UBR3: variants seen among roughly 807,000 people sequenced by gnomAD.
The protein encoded by UBR3 is E3 ubiquitin-protein ligase UBR3.
A neutral mutation model predicts 243.2 loss-of-function variants in UBR3; 85 were observed. That is an observed-to-expected ratio of 0.35 (90% confidence interval 0.29 to 0.42). The LOEUF (loss-of-function observed/expected upper bound fraction) is 0.42. UBR3 is among the 10% of genes least tolerant of loss of function. The probability of loss-of-function intolerance (pLI) is 1.00; values close to 1 mark genes in which losing one functional copy is unlikely to be tolerated. For synonymous variants in UBR3, 748 were observed against 799.8 expected (o/e 0.94, Z 1.09); for missense variants, 1,686 against 2,300.8 (o/e 0.73, Z 5.47).
intron 11 of UBR3, among the ~76,000 whole-genome samples, chr2:169,916,145 G>C (rs868734626): frequency 6.6e-6 from 1 of 152,012 alleles, no homozygotes; most frequent in Non-Finnish European, 1.5e-5. Flanking sequence ...GAACAGAGGA[G>C]TATATGTACA....
chr2:169,985,224 C>CTTTTTTTTTTTTTT (rs71006060), intron 24 of UBR3, among the ~76,000 whole-genome samples: 1 of 113,120 alleles, frequency 8.8e-6, no homozygotes, highest in Admixed American at 9.8e-5. Flanking sequence ...CAACTCTTTT[C>CTTTTTTTTTTTTTT]TTTTTTTTTT....
chr2:170,063,648 T>G (rs1289709370), intron 35 of UBR3, among the ~76,000 whole-genome samples: 1 of 152,166 alleles, frequency 6.6e-6, no homozygotes, highest in Non-Finnish European at 1.5e-5. Context: ...GTTTGGGACA[T>G]AAATCCTGTC....
intron 1 of UBR3, among the ~76,000 whole-genome samples, chr2:169,860,439 C>T (rs1041408218): frequency 2.0e-5 from 3 of 152,170 alleles, no homozygotes; most frequent in Non-Finnish European, 2.9e-5. Context: ...CAGTGCCCTT[C>T]AGAAGATTCT....
chr2:169,924,573 T>G (rs1476692685), intron 13 of UBR3, among the ~76,000 whole-genome samples: 1 of 152,230 alleles, frequency 6.6e-6, no homozygotes, highest in African/African-American at 2.4e-5. Flanking sequence ...AAGAATTAGC[T>G]TATATAAGCA....
chr2:170,039,647 G>A lies in UBR3; in HGVS notation c.4557-1235G>A, dbSNP rs181140659. Among the ~76,000 whole-genome samples the A allele has an allele frequency of 4.6e-5, 7 of 152,236 alleles. No homozygotes were observed. The East Asian group carries it at 1.3e-3, about 29-fold the overall frequency. ...TAGTAAATATTTGCTGAATGATCGA[G>A]CCTAATAAAAGAGTTGAAGAATTTT... On this transcript the variant is annotated intron_variant, in intron 31 of 38. Coordinates refer to ENST00000272793, the MANE Select transcript of UBR3 (RefSeq NM_172070.4).
chr2:169,992,018 C>T (rs781352583), intron 25 of UBR3, among the ~76,000 whole-genome samples: 3 of 152,108 alleles, frequency 2.0e-5, no homozygotes, highest in Non-Finnish European at 4.4e-5. Context: ...GGGAAATTTA[C>T]AGCTGTAAAT....
In UBR3 at chr2:170,082,328, T is replaced by A. The variant is rs2091920861; in HGVS notation, c.*485T>A. ...ATTAGAAAAAAATGTAAAACATGATTTATGTGAAATACTGTATAGTAAAAG... is the reference window on the plus strand; with the variant it reads ...ATTAGAAAAAAATGTAAAACATGATATATGTGAAATACTGTATAGTAAAAG... On this transcript the variant is annotated 3_prime_UTR_variant, in exon 39 of 39. Coordinates refer to ENST00000272793, the MANE Select transcript of UBR3 (RefSeq NM_172070.4). 1 of 152,736 alleles carries A rather than the reference T, an allele frequency of 6.5e-6. No individual in the cohort carries two copies. The allele number at this position is 152,736 out of a possible 1,614,324, so 9.5% of individuals were successfully genotyped here.
chr2:170,016,014 G>T (rs1331413542), intron 30 of UBR3, among the ~76,000 whole-genome samples: 1 of 151,770 alleles, frequency 6.6e-6, no homozygotes, highest in Non-Finnish European at 1.5e-5. Context: ...CTGATTATTT[G>T]CCCCAGATCA....
chr2:169,947,415 T>G lies in UBR3; in HGVS notation c.2911-127T>G, dbSNP rs116816631. On this transcript the variant is annotated intron_variant, in intron 21 of 38. Coordinates refer to ENST00000272793, the MANE Select transcript of UBR3 (RefSeq NM_172070.4). ...TTAAATTTATTCACTTTATAATTTG[T>G]GGATGAGACAATAAGGGATTCAGGA... 487 of 671,158 alleles carry G rather than the reference T, an allele frequency of 7.3e-4. 2 individuals carry two copies. The African/African-American group carries it at 8.6e-3, about 12-fold the overall frequency. The allele number at this position is 671,158 out of a possible 1,614,324, so 41.6% of individuals were successfully genotyped here. A position where few individuals can be genotyped will look rare whatever the true frequency, so the allele number is the denominator to read the frequency against.
intron 23 of UBR3, among the ~76,000 whole-genome samples, chr2:169,951,188 A>G (rs531970181): frequency 6.6e-6 from 1 of 152,334 alleles, no homozygotes; most frequent in South Asian, 2.1e-4. Flanking sequence ...ATAGGTAAAA[A>G]TCATTGTCAA....
intron 1 of UBR3, among the ~76,000 whole-genome samples, chr2:169,850,626 C>T (rs939721052): frequency 3.3e-5 from 5 of 152,224 alleles, no homozygotes; most frequent in East Asian, 1.9e-4. Flanking sequence ...GGGTGGATCA[C>T]GAGGTCAGGA....
At chr2:169,835,424 C>T (rs1434670884) in intron 1 of UBR3, among the ~76,000 whole-genome samples, 1 of 152,132 alleles carries the variant, frequency 6.6e-6, no homozygotes, top group Non-Finnish European at 1.5e-5. Flanking sequence ...CAATACTACA[C>T]CTAAAATATT....
In UBR3 at chr2:169,877,628, G is replaced by A; in HGVS notation, c.979G>A (p.Ala327Thr). The A allele has an allele frequency of 6.5e-7, 1 of 1,541,350 alleles. No individual in the cohort carries two copies. Among genetic ancestry groups the A allele is most frequent in the Non-Finnish European group, 8.7e-7 (1 of 1,144,870 alleles). The change falls in exon 4 of 39, where the codon GCT becomes ACT. Residue 327 changes from alanine (A) to threonine (T), a missense_variant. Physicochemically the swap from Ala to Thr is moderately conservative, Grantham distance 58. Around this residue, in one of 8 missense-constraint regions of UBR3, gnomAD observed 200 missense variants for 231.6 expected, o/e 0.86. Transcript: ENST00000272793. ...GCCATCTGCTGGTACTAGTTCTCTGGCTGTTCAAGGTTTGTCTAAATATTT... is the reference window on the plus strand; with the variant it reads ...GCCATCTGCTGGTACTAGTTCTCTGACTGTTCAAGGTTTGTCTAAATATTT... ...QEPSAGTSSL[A>T]VQGFIGATGT... is the part of the protein sequence containing the mutation.
chr2:169,998,411 T>G (rs375607208), intron 26 of UBR3, among the ~76,000 whole-genome samples: 4 of 152,220 alleles, frequency 2.6e-5, no homozygotes, highest in African/African-American at 7.2e-5. Flanking sequence ...TGTTAGTGAT[T>G]GTGAGATTTT....
At chr2:169,828,160 C>T (rs1402529379) in intron 1 of UBR3, 108 bp downstream of exon 1, 13 of 712,544 alleles carry the variant, frequency 1.8e-5, no homozygotes, top group African/African-American at 1.7e-4. Flanking sequence ...GGGGAGGGTG[C>T]GGGGGAGGGT....
chr2:169,966,218 G>T (rs945008860), intron 24 of UBR3, among the ~76,000 whole-genome samples: 2 of 152,032 alleles, frequency 1.3e-5, no homozygotes, highest in African/African-American at 2.4e-5. Flanking sequence ...AGGAGTCAAG[G>T]TGTTAGATTA....
At chr2:170,024,788 C>T (rs2090485434) in intron 30 of UBR3, among the ~76,000 whole-genome samples, 1 of 152,082 alleles carries the variant, frequency 6.6e-6, no homozygotes, top group Non-Finnish European at 1.5e-5. Flanking sequence ...ATGTGTCTGT[C>T]TTGTGATGAA....
At chr2:170,060,972 G>A in intron 33 of UBR3, 107 bp from the exon 34 acceptor site, 1 of 766,700 alleles carries the variant, frequency 1.3e-6, no homozygotes, top group Non-Finnish European at 1.9e-6. Context: ...TCATATGCTT[G>A]AAAAATAATA....
chr2:169,931,219 C>T (rs1436157798), intron 18 of UBR3, among the ~76,000 whole-genome samples: 1 of 151,634 alleles, frequency 6.6e-6, no homozygotes, highest in Non-Finnish European at 1.5e-5. Flanking sequence ...GGCTTGGTGG[C>T]GGGCACCTGT....
Sources: gnomAD v4.1 joint callset for allele counts (sites outside exome capture counted in the v4.1 genomes callset) on GRCh38, gnomAD v4.1.1 for gene constraint, gnomAD v4.1.1 regional missense constraint, MANE v1.5 for transcripts, NCBI Gene and HGNC (gene_info 2026-07-23, HGNC 2026-07-21) for gene names.